The following TASOR2 variants were observed in gnomAD, a reference collection of about 807,000 sequenced individuals.
The protein encoded by TASOR2 is transcription activation suppressor family member 2.
In TASOR2, 84 loss-of-function variants were observed where a neutral mutation model predicts 199.5. The ratio of observed to expected loss-of-function variants is 0.42; its 90% CI spans 0.35 to 0.50. TASOR2 has a LOEUF of 0.50. Among genes scored for constraint, TASOR2 ranks in the 20% least tolerant of loss-of-function variants. The probability of loss-of-function intolerance (pLI) is 0.02; values close to 1 mark genes in which losing one functional copy is unlikely to be tolerated. For synonymous variants in TASOR2, 1,103 were observed against 1,046.6 expected, an observed-to-expected ratio of 1.05 and a Z score of -1.04; for missense variants, 2,796 against 2,835.9, an observed-to-expected ratio of 0.99 and a Z score of 0.32.
At position 5,719,571 on chromosome 10, in the gene TASOR2, TTGATCTCA is replaced by T. The variant is rs1833096550; in HGVS notation, c.-99-966_-99-959del. On this transcript the variant is annotated intron_variant, in intron 3 of 20. Coordinates refer to ENST00000328090, the Ensembl canonical transcript of TASOR2. The surrounding 1 kb of genome is among the most constrained non-coding windows in gnomAD (Gnocchi z 4.1). ...TGTTGGCCAGGATGGTCTTGATCTC[TTGATCTCA>T]TGATCTGCCCGCCTCGGCCTCCCAA... is the stretch of plus-strand genomic sequence containing the variant. Among the ~76,000 whole-genome samples the T allele has an allele frequency of 6.6e-6, 1 of 152,078 alleles. No individual in the cohort carries two copies. Among genetic ancestry groups the T allele is most frequent in the South Asian group, 2.1e-4 (1 of 4,824 alleles).
chr10:5,761,965 C>CAG (rs1196945360), intron 19 of TASOR2, among the ~76,000 whole-genome samples: 3 of 151,804 alleles, frequency 2.0e-5, no homozygotes, highest in Admixed American at 6.6e-5. Flanking sequence ...ACCCCGGAGG[C>CAG]AGAGGTTGCT....
chr10:5,696,677 A>AGG (rs1837195982), intron 1 of TASOR2, among the ~76,000 whole-genome samples: 1 of 152,144 alleles, frequency 6.6e-6, no homozygotes, highest in East Asian at 1.9e-4. Context: ...TAAATGCCTC[A>AGG]CATTTGAGTA....
rs1835669905 is a variant in TASOR2 at position 5,685,226 on chromosome 10, G to A, written c.-288+51G>A. On this transcript the variant is annotated intron_variant, in intron 1 of 20. Coordinates refer to ENST00000328090, the Ensembl canonical transcript of TASOR2. The surrounding 1 kb of genome is among the most constrained non-coding windows in gnomAD (Gnocchi z 5.4). ...CCGGGAACCCTGCGAGGAGGACGGC[G>A]GGTCCCCGAGGCCGAGCGCTCGGGC... is the stretch of plus-strand genomic sequence containing the variant. 5.0e-6 allele frequency: 2 copies of A among 397,450 alleles called. No homozygotes were observed. Among genetic ancestry groups the A allele is most frequent in the Non-Finnish European group, 8.9e-6 (2 of 225,368 alleles). 24.6% of individuals were successfully genotyped at this position (397,450 alleles called of 1,614,324 possible). A position where few individuals can be genotyped will look rare whatever the true frequency, so the allele number is the denominator to read the frequency against.
At position 5,687,657 on chromosome 10, in the gene TASOR2, T is replaced by C. The variant is rs1835943746; in HGVS notation, c.-288+2482T>C. Among the ~76,000 whole-genome samples the C allele has an allele frequency of 6.6e-6, 1 of 152,166 alleles. No individual in the cohort carries two copies. The highest frequency in any genetic ancestry group is 1.5e-5 in the Non-Finnish European group (1 of 68,024). On this transcript the variant is annotated intron_variant, in intron 1 of 20. Coordinates refer to ENST00000328090, the Ensembl canonical transcript of TASOR2. This position sits in a 1 kb window ranked among gnomAD's most constrained non-coding sequence, Gnocchi z 4.8. ...CAACATGGTGAAACACCATCTCTAC[T>C]AAAAATACAAAAATTAGCCAGGTGT... is the stretch of plus-strand genomic sequence containing the variant.
At position 5,756,755 on chromosome 10, in the gene TASOR2, T is replaced by A; in HGVS notation, c.6732+17T>A. On this transcript the variant is annotated intron_variant, in intron 16 of 20. Coordinates refer to ENST00000328090, the Ensembl canonical transcript of TASOR2. ...TTGCATCAGGTCGGTTGGAAATACC[T>A]TACAAAGAAACGTATTCCAGGCACA... 2 of 1,608,960 alleles carry A rather than the reference T, an allele frequency of 1.2e-6. No homozygotes were observed. Among genetic ancestry groups the A allele is most frequent in the Non-Finnish European group, 1.7e-6 (2 of 1,178,044 alleles).
intron 2 of TASOR2, chr10:5,713,660 T>A (rs1431365986): frequency 6.6e-6 from 1 of 152,264 alleles, no homozygotes; most frequent in East Asian, 1.9e-4. Flanking sequence ...TCTGGGTTCT[T>A]ACTAAAAATG....
Position 5,750,493 on chromosome 10 carries a change from A to G in TASOR2, c.6606+466A>G, listed in dbSNP as rs915013703. ...GTCCTTAAATTTAAGTAATGGAACC[A>G]TGGTGAAATTCTGGCATGGGCGGAG... On this transcript the variant is annotated intron_variant, in intron 15 of 20. Coordinates refer to ENST00000328090, the Ensembl canonical transcript of TASOR2. The surrounding 1 kb of genome is among the most constrained non-coding windows in gnomAD (Gnocchi z 5.4). 6.6e-6 allele frequency among the ~76,000 whole-genome samples: 1 copy of G among 152,256 alleles called. No homozygotes were observed. The highest frequency in any genetic ancestry group is 1.5e-5 in the Non-Finnish European group (1 of 68,046).
intron 1 of TASOR2, among the ~76,000 whole-genome samples, chr10:5,697,212 C>T (rs1457738042): frequency 6.6e-6 from 1 of 152,240 alleles, no homozygotes; most frequent in Non-Finnish European, 1.5e-5. Flanking sequence ...TTTCTTCCTA[C>T]TTCTGAAAAG....
intron 6 of TASOR2, among the ~76,000 whole-genome samples, chr10:5,723,074 C>T (rs1419109724): frequency 3.8e-5 from 3 of 78,174 alleles, no homozygotes; most frequent in African/African-American, 1.0e-4. Context: ...TTTTTTGAGA[C>T]GGAGTCTCGC....
intron 15 of TASOR2, among the ~76,000 whole-genome samples, chr10:5,756,412 G>T (rs1838952781): frequency 6.6e-6 from 1 of 152,028 alleles, no homozygotes; most frequent in Admixed American, 6.6e-5. Flanking sequence ...ATTTACCTTT[G>T]AAATCAACTT....
chr10:5,729,096 C>A (rs1834446056), intron 10 of TASOR2, among the ~76,000 whole-genome samples: 1 of 152,188 alleles, frequency 6.6e-6, no homozygotes, highest in South Asian at 2.1e-4. Context: ...CGCCTGTAAT[C>A]CCAGCACTTT....
At chr10:5,741,665 A>G (rs1301424739) in intron 13 of TASOR2, among the ~76,000 whole-genome samples, 2 of 152,240 alleles carry the variant, frequency 1.3e-5, no homozygotes, top group Non-Finnish European at 2.9e-5. Context: ...GACTTTCTCA[A>G]TTATTAGAAG....
intron 11 of TASOR2, among the ~76,000 whole-genome samples, chr10:5,734,616 G>C (rs1025145355): frequency 1.3e-5 from 2 of 151,904 alleles, no homozygotes; most frequent in African/African-American, 2.4e-5. Flanking sequence ...CCTTATGGAA[G>C]CTGTGCTGCT....
At chr10:5,760,090 A>G (rs991148473) in intron 18 of TASOR2, among the ~76,000 whole-genome samples, 3 of 152,244 alleles carry the variant, frequency 2.0e-5, no homozygotes, top group African/African-American at 7.2e-5. Flanking sequence ...GATTTTGTCT[A>G]TGTGCAGACA....
chr10:5,741,163 C>G (rs921730208), intron 13 of TASOR2, among the ~76,000 whole-genome samples: 1 of 152,180 alleles, frequency 6.6e-6, no homozygotes, highest in Non-Finnish European at 1.5e-5. Flanking sequence ...TTGGGAGAGG[C>G]CTGACATTCT....
intron 2 of TASOR2, 116 bp from the exon 3 acceptor site, chr10:5,714,019 A>G: frequency 2.1e-6 from 1 of 469,010 alleles, no homozygotes; most frequent in Non-Finnish European, 3.3e-6. Flanking sequence ...TGGGCAATAT[A>G]GTGAGACCTT....
chr10:5,688,743 A>C (rs1429686222), intron 1 of TASOR2, among the ~76,000 whole-genome samples: 3 of 151,986 alleles, frequency 2.0e-5, no homozygotes, highest in Non-Finnish European at 4.4e-5. Context: ...GCGTGGGCTC[A>C]TGCGTGTGAT....
Position 5,721,460 on chromosome 10 carries a change from T to G in TASOR2, c.146+490T>G, listed in dbSNP as rs144395056. On this transcript the variant is annotated intron_variant, in intron 6 of 20. Coordinates refer to ENST00000328090, the Ensembl canonical transcript of TASOR2. ...CTTTTTGGTTCATCCTGTTCTTAGT[T>G]TGTACCCAAAACCATTAAGAAATAG... Among the ~76,000 whole-genome samples the G allele has an allele frequency of 6.5e-3, 995 of 152,322 alleles. 6 individuals are homozygous for G. The highest frequency in any genetic ancestry group is 0.017 in the Middle Eastern group (5 of 294).
intron 1 of TASOR2, among the ~76,000 whole-genome samples, chr10:5,693,675 CT>C (rs1836775242): frequency 6.6e-6 from 1 of 152,236 alleles, no homozygotes; most frequent in African/African-American, 2.4e-5. Context: ...CTGGCTGCTA[CT>C]TAGGACTACA....
Sources: allele counts gnomAD v4.1 joint callset (sites outside exome capture counted in the v4.1 genomes callset), GRCh38; gene constraint gnomAD v4.1.1; non-coding constraint Gnocchi (gnomAD v3.1); transcripts MANE v1.5; gene names NCBI Gene and HGNC (gene_info 2026-07-23, HGNC 2026-07-21).